Variants in CEP57L1 observed in about 807,000 individuals in gnomAD.
CEP57L1 encodes the protein centrosomal protein CEP57L1.
In CEP57L1, 37 loss-of-function variants were observed where a neutral mutation model predicts 61.0. The observed-to-expected ratio is 0.61, with a 90% CI of 0.47 to 0.80. The LOEUF (loss-of-function observed/expected upper bound fraction) is 0.80, where lower values mean the gene tolerates loss of function less well. Ranked by LOEUF, CEP57L1 falls within the 30% of genes least tolerant of loss-of-function variation. The probability of loss-of-function intolerance (pLI) is 0.00; values close to 1 mark genes in which losing one functional copy is unlikely to be tolerated. For synonymous variants in CEP57L1, 137 were observed against 162.3 expected (o/e 0.84, Z 1.19); for missense variants, 422 against 524.7 (o/e 0.80, Z 1.91).
chr6:109,132,065 A>G (rs1056345451), intron 1 of CEP57L1, among the ~76,000 whole-genome samples: 4 of 152,222 alleles, frequency 2.6e-5, no homozygotes, highest in Non-Finnish European at 4.4e-5. Flanking sequence ...AGAAATCCTC[A>G]TCACAATCCG....
At chr6:109,156,345 T>A (rs1773219388) in intron 7 of CEP57L1, 1 of 151,608 alleles carries the variant, frequency 6.6e-6, no homozygotes, top group Non-Finnish European at 1.5e-5. Flanking sequence ...AAAAATAAGG[T>A]TTTTCTTATA....
intron 1 of CEP57L1, among the ~76,000 whole-genome samples, chr6:109,118,317 G>A (rs113035727): frequency 1.9e-4 from 29 of 152,338 alleles, no homozygotes; most frequent in Admixed American, 4.6e-4. Context: ...GATTACAGGC[G>A]TGAGCCTGGC....
intron 1 of CEP57L1, among the ~76,000 whole-genome samples, chr6:109,097,927 G>A (rs535653308): frequency 6.6e-6 from 1 of 152,344 alleles, no homozygotes; most frequent in East Asian, 1.9e-4. Flanking sequence ...GCGCATTTGA[G>A]AAATAGCAAG....
rs371645477 is a variant in CEP57L1, at chr6:109,145,283, T to C, written c.62T>C (p.Phe21Ser). The change falls in exon 2 of 11, where the codon TTT (phenylalanine) becomes TCT (serine). Residue 21 changes from phenylalanine (F) to serine (S), a missense_variant. Coordinates refer to ENST00000517392, the MANE Select transcript of CEP57L1 (RefSeq NM_001271852.3). The part of the protein sequence containing the change: ...GSYHKPPERV[F>S]VPSFTQNEPS... ...TATCATAAACCTCCAGAAAGAGTAT[T>C]TGTTCCCTCATTCACCCAGAATGAA... 68 of 1,607,480 alleles carry C rather than the reference T, an allele frequency of 4.2e-5. No individual in the cohort carries two copies. The highest frequency in any genetic ancestry group is 5.6e-5 in the Non-Finnish European group (66 of 1,174,722).
chr6:109,142,577 TTTG>T (rs1771501383), intron 1 of CEP57L1, among the ~76,000 whole-genome samples: 1 of 151,890 alleles, frequency 6.6e-6, no homozygotes, highest in Non-Finnish European at 1.5e-5. Flanking sequence ...TTTTTGTTTG[TTTG>T]TTGTTAGAAT....
chr6:109,134,545 A>G (rs977132537), intron 1 of CEP57L1, among the ~76,000 whole-genome samples: 9 of 152,174 alleles, frequency 5.9e-5, no homozygotes, highest in Non-Finnish European at 8.8e-5. Flanking sequence ...TCAACATAGT[A>G]TTGGAAGTTC....
intron 1 of CEP57L1, among the ~76,000 whole-genome samples, chr6:109,114,345 AT>A (rs1772030997): frequency 1.3e-5 from 2 of 152,126 alleles, no homozygotes; most frequent in South Asian, 4.1e-4. Context: ...TCTGTTGGCC[AT>A]TTGTATGCCT....
chr6:109,110,924 T>C (rs1771532788), intron 1 of CEP57L1, among the ~76,000 whole-genome samples: 1 of 152,352 alleles, frequency 6.6e-6, no homozygotes, highest in Non-Finnish European at 1.5e-5. Context: ...TTTTTGTTAC[T>C]GTAGCCTTGT....
At chr6:109,126,976 G>C (rs758133427) in intron 1 of CEP57L1, among the ~76,000 whole-genome samples, 8 of 152,046 alleles carry the variant, frequency 5.3e-5, no homozygotes, top group Admixed American at 2.0e-4. Flanking sequence ...GACCATCCTG[G>C]CCAACATGGT....
intron 1 of CEP57L1, among the ~76,000 whole-genome samples, chr6:109,139,868 A>T (rs1033234700): frequency 1.3e-4 from 20 of 151,862 alleles, no homozygotes; most frequent in African/African-American, 4.8e-4. Flanking sequence ...TTGACCTCAA[A>T]TGATCCACCT....
chr6:109,107,322 T>A (rs189130810), intron 1 of CEP57L1, among the ~76,000 whole-genome samples: 226 of 152,304 alleles, frequency 1.5e-3, no homozygotes, highest in Middle Eastern at 0.014. Context: ...TATATTTTTT[T>A]AAAGTTATGT....
Position 109,173,277 on chromosome 6 carries a change from C to G in CEP57L1, c.*10307C>G, listed in dbSNP as rs1774484528. Among the ~76,000 whole-genome samples, 1 of 151,720 alleles carries G rather than the reference C, an allele frequency of 6.6e-6. No individual in the cohort carries two copies. The highest frequency in any genetic ancestry group is 1.5e-5 in the Non-Finnish European group (1 of 67,962). Reference sequence around the variant, plus strand: ...TTAATAATTTTTATTAATTTTTTTCCTGAATCCTAAAAGGTCAGTTGGAAC... The same window carrying G: ...TTAATAATTTTTATTAATTTTTTTCGTGAATCCTAAAAGGTCAGTTGGAAC... On this transcript the variant is annotated 3_prime_UTR_variant, in exon 11 of 11. Transcript: ENST00000517392.
rs572090463 is a variant in CEP57L1 at position 109,119,847 on chromosome 6, A to C, written c.-4+24272A>C. Among the ~76,000 whole-genome samples, 42 of 152,298 alleles carry C rather than the reference A, an allele frequency of 2.8e-4. 1 individual carries two copies. The South Asian group carries it at 7.2e-3, about 26-fold the overall frequency. On this transcript the variant is annotated intron_variant, in intron 1 of 10. Coordinates refer to ENST00000517392, the MANE Select transcript of CEP57L1 (RefSeq NM_001271852.3). ...ATACTGTTTATAGATTACCTATTGG[A>C]GACATTAGGATTATAGTATGATACA...
At chr6:109,155,928 A>G (rs1012216094) in intron 7 of CEP57L1, 51 bp downstream of exon 7, 1 of 836,112 alleles carries the variant, frequency 1.2e-6, no homozygotes, top group Non-Finnish European at 2.0e-6. Flanking sequence ...ATACTTATTT[A>G]TATAACCTCT....
Position 109,166,173 on chromosome 6 carries a change from G to T in CEP57L1, c.*3203G>T, listed in dbSNP as rs1774087186. 6.6e-6 allele frequency among the ~76,000 whole-genome samples: 1 copy of T among 152,122 alleles called. No homozygotes were observed. Among genetic ancestry groups the T allele is most frequent in the Non-Finnish European group, 1.5e-5 (1 of 68,020 alleles). On this transcript the variant is annotated 3_prime_UTR_variant, in exon 11 of 11. Coordinates refer to ENST00000517392, the MANE Select transcript of CEP57L1 (RefSeq NM_001271852.3). The stretch of plus-strand genomic sequence containing the variant: ...AAAGACAGGAGGGTCAGAGGGAAAT[G>T]TTCAGTTTTCAACAATGTAAGATTA...
chr6:109,155,342 C>T, intron 6 of CEP57L1, 35 bp downstream of exon 6: 2 of 1,090,048 alleles, frequency 1.8e-6, no homozygotes, highest in Non-Finnish European at 1.3e-6. Flanking sequence ...TCACAGTAAA[C>T]CATATATGTT....
intron 1 of CEP57L1, among the ~76,000 whole-genome samples, chr6:109,106,796 A>G (rs1417013368): frequency 1.3e-5 from 2 of 151,886 alleles, no homozygotes; most frequent in South Asian, 2.1e-4. Context: ...GAAAATTAGC[A>G]TGGCATGATG....
intron 1 of CEP57L1, among the ~76,000 whole-genome samples, chr6:109,097,396 C>T (rs189463071): frequency 1.1e-3 from 166 of 152,268 alleles, no homozygotes; most frequent in Admixed American, 2.3e-3. Context: ...CAGTGGTGTC[C>T]TACTACTGTT....
Position 109,142,164 on chromosome 6 carries a change from C to T in CEP57L1, c.-3-3055C>T, listed in dbSNP as rs149127328. On this transcript the variant is annotated intron_variant, in intron 1 of 10. Transcript: ENST00000517392. ...AAACCATAAAAACAGTGAGTAATTT[C>T]CCTGGTTGTTCACAAGCTGTCAAGA... 7.2e-4 allele frequency among the ~76,000 whole-genome samples: 110 copies of T among 152,164 alleles called. 1 individual carries two copies. The East Asian group carries it at 0.018, about 25-fold the overall frequency.
Sources: allele counts gnomAD v4.1 joint callset (sites outside exome capture counted in the v4.1 genomes callset), GRCh38; gene constraint gnomAD v4.1.1; transcripts MANE v1.5; gene names NCBI Gene and HGNC (gene_info 2026-07-23, HGNC 2026-07-21).